OR1B1: variants seen among roughly 807,000 people sequenced by gnomAD.
OR1B1 encodes olfactory receptor family 1 subfamily B member 1.
For missense variants in OR1B1, 414 were observed against 402.1 expected, an observed-to-expected ratio of 1.03 and a Z score of -0.25; for synonymous variants, 168 against 156.2, an observed-to-expected ratio of 1.08 and a Z score of -0.57.
At chr9:122,628,713 A>G in exon 1 of OR1B1, 1 of 1,613,748 alleles carries the variant, frequency 6.2e-7, no homozygotes, top group Non-Finnish European at 8.5e-7. Context: ...ATGTCCTGAT[A>G]CTGAGAGTTC....
At chr9:122,633,176 A>G (rs1384294935), upstream of OR1B1, among the ~76,000 whole-genome samples, 1 of 152,222 alleles carries the variant, frequency 6.6e-6, no homozygotes, top group Admixed American at 6.5e-5. Flanking sequence ...ATCAAGAGTT[A>G]AGAATTTCAG....
At chr9:122,629,570 G>T in exon 1 of OR1B1, 1 of 1,371,926 alleles carries the variant, frequency 7.3e-7, no homozygotes. Flanking sequence ...GACAGTTTAA[G>T]TCAAAAAGAA....
downstream of OR1B1, chr9:122,628,535 C>G (rs1318479880): frequency 7.6e-7 from 1 of 1,313,272 alleles, no homozygotes; most frequent in Non-Finnish European, 1.1e-6. Flanking sequence ...CAGAATATGC[C>G]CATGACTTTT....
chr9:122,640,811 A>G, the OR1B1 span, among the ~76,000 whole-genome samples: 2 of 152,182 alleles, frequency 1.3e-5, no homozygotes, highest in Non-Finnish European at 2.9e-5. Context: ...TACATCAGGT[A>G]GTCACATGAT....
At chr9:122,656,016 C>T in the OR1B1 span, among the ~76,000 whole-genome samples, 32 of 152,238 alleles carry the variant, frequency 2.1e-4, no homozygotes, top group Admixed American at 7.8e-4. Flanking sequence ...TCATTTACCT[C>T]TATGAGTAAG....
chr9:122,628,738 G>A, exon 1 of OR1B1: 1 of 1,614,118 alleles, frequency 6.2e-7, no homozygotes, highest in Non-Finnish European at 8.5e-7. Flanking sequence ...AGGGAGGCTG[G>A]AAGTAGACAC....
At chr9:122,651,305 A>C in the OR1B1 span, among the ~76,000 whole-genome samples, 1 of 152,192 alleles carries the variant, frequency 6.6e-6, no homozygotes, top group Admixed American at 6.5e-5. Context: ...AACACTTGTC[A>C]TTTATTTGTG....
upstream of OR1B1, among the ~76,000 whole-genome samples, chr9:122,634,265 T>G: frequency 1.4e-5 from 2 of 144,820 alleles, no homozygotes; most frequent in South Asian, 2.2e-4. Flanking sequence ...GAACCCGGGA[T>G]GTGGAGGTTG....
exon 1 of OR1B1, chr9:122,628,581 A>C (rs764348813): frequency 6.3e-7 from 1 of 1,583,376 alleles, no homozygotes; most frequent in Non-Finnish European, 8.7e-7. Context: ...CAGGCTAATC[A>C]GGGGTCTACC....
chr9:122,629,156 G>A, exon 1 of OR1B1: 2 of 1,613,986 alleles, frequency 1.2e-6, no homozygotes, highest in Non-Finnish European at 1.7e-6. Flanking sequence ...GTCACAGATG[G>A]CCACATAGCG....
At chr9:122,652,966 C>T in the OR1B1 span, among the ~76,000 whole-genome samples, 1 of 152,126 alleles carries the variant, frequency 6.6e-6, no homozygotes, top group East Asian at 1.9e-4. Flanking sequence ...CTGTAATTTC[C>T]ACAATGTGGG....
At chr9:122,652,319 A>G in the OR1B1 span, among the ~76,000 whole-genome samples, 1 of 152,216 alleles carries the variant, frequency 6.6e-6, no homozygotes, top group East Asian at 1.9e-4. Flanking sequence ...TGGGCTAAAC[A>G]TCTGGCTTTA....
chr9:122,628,712 T>C (rs1467390742), exon 1 of OR1B1: 6 of 1,613,692 alleles, frequency 3.7e-6, no homozygotes, highest in African/African-American at 1.3e-5. Context: ...CATGTCCTGA[T>C]ACTGAGAGTT....
chr9:122,641,080 T>C, the OR1B1 span, among the ~76,000 whole-genome samples: 1 of 152,140 alleles, frequency 6.6e-6, no homozygotes, highest in Non-Finnish European at 1.5e-5. Flanking sequence ...AGGTCAGGGA[T>C]GGAATGAGGT....
the OR1B1 span, among the ~76,000 whole-genome samples, chr9:122,636,796 G>C: frequency 2.6e-5 from 4 of 152,310 alleles, no homozygotes; most frequent in Admixed American, 2.6e-4. Flanking sequence ...AGGTTTCGGA[G>C]TCAGACTTAC....
the OR1B1 span, among the ~76,000 whole-genome samples, chr9:122,647,435 C>T: frequency 6.6e-6 from 1 of 151,864 alleles, no homozygotes; most frequent in Non-Finnish European, 1.5e-5. Flanking sequence ...GCTATATGTG[C>T]ATACATCAAA....
At chr9:122,629,927 C>T (rs553949516), upstream of OR1B1, among the ~76,000 whole-genome samples, 1 of 152,320 alleles carries the variant, frequency 6.6e-6, no homozygotes, top group Admixed American at 6.5e-5. Context: ...CTTCCATTCA[C>T]ACCTCACCCA....
the OR1B1 span, chr9:122,637,231 G>A: frequency 1.1e-4 from 16 of 152,250 alleles, no homozygotes; most frequent in African/African-American, 1.9e-4. Flanking sequence ...GAAGGGAAAC[G>A]GAAAGGTAAG....
chr9:122,639,121 C>T, the OR1B1 span, among the ~76,000 whole-genome samples: 1 of 152,258 alleles, frequency 6.6e-6, no homozygotes, highest in East Asian at 1.9e-4. Flanking sequence ...CTTAGATAGA[C>T]GTTTTTCATC....
Sources: allele counts gnomAD v4.1 joint callset (sites outside exome capture counted in the v4.1 genomes callset), GRCh38; gene constraint gnomAD v4.1.1; transcripts MANE v1.5; gene names NCBI Gene and HGNC (gene_info 2026-07-23, HGNC 2026-07-21).